PCDHGB6: variants seen among roughly 807,000 people sequenced by gnomAD.
PCDHGB6 encodes protocadherin gamma-B6.
A neutral mutation model predicts 59.1 loss-of-function variants in PCDHGB6; 51 were observed. The observed-to-expected ratio is 0.86, with a 90% CI of 0.69 to 1.09. PCDHGB6 has a LOEUF of 1.09. Among genes scored for constraint, PCDHGB6 ranks in the 50% least tolerant of loss-of-function variants. PCDHGB6 has a pLI of 0.00. For missense variants in PCDHGB6, 1,148 were observed against 1,205.1 expected, an observed-to-expected ratio of 0.95 and a Z score of 0.70; for synonymous variants, 466 against 495.1, an observed-to-expected ratio of 0.94 and a Z score of 0.78.
chr5:141,489,732 C>CA lies in PCDHGB6; in HGVS notation c.2419-5073dup, dbSNP rs770971020. On this transcript the variant is annotated intron_variant, in intron 1 of 3. Transcript: ENST00000520790. This position sits in a 1 kb window ranked among gnomAD's most constrained non-coding sequence, Gnocchi z 4.5. ...GTGCCCAGGATCCGGATGTGGGCAC[C>CA]AATACTGTGAGCTTTTACACTCTAA... 4.3e-6 allele frequency: 7 copies of CA among 1,614,008 alleles called. No individual in the cohort carries two copies. Among genetic ancestry groups the CA allele is most frequent in the Non-Finnish European group, 5.9e-6 (7 of 1,180,002 alleles).
At chr5:141,464,611 A>G (rs2099087451) in intron 1 of PCDHGB6, among the ~76,000 whole-genome samples, 3 of 152,194 alleles carry the variant, frequency 2.0e-5, no homozygotes, top group African/African-American at 7.2e-5. Context: ...TTTGCAGAGT[A>G]TATTGTCAAG....
At chr5:141,419,004 T>C in intron 1 of PCDHGB6, 1 of 1,613,886 alleles carries the variant, frequency 6.2e-7, no homozygotes, top group Non-Finnish European at 8.5e-7. Context: ...AATGGGGAAG[T>C]CAGGTGTAGC....
At chr5:141,427,495 C>A in intron 1 of PCDHGB6, 2 of 562,648 alleles carry the variant, frequency 3.6e-6, no homozygotes, top group South Asian at 1.5e-5. Flanking sequence ...AAGCTTGTAA[C>A]AGATGGGACC....
At chr5:141,460,150 T>G (rs1169568683) in intron 1 of PCDHGB6, among the ~76,000 whole-genome samples, 1 of 152,106 alleles carries the variant, frequency 6.6e-6, no homozygotes, top group East Asian at 1.9e-4. Context: ...ATGTGAGCTC[T>G]TTGTCACATA....
intron 2 of PCDHGB6, among the ~76,000 whole-genome samples, chr5:141,497,962 G>A (rs2099780751): frequency 6.6e-6 from 1 of 152,236 alleles, no homozygotes; most frequent in African/African-American, 2.4e-5. Context: ...TGGCCAGGCA[G>A]TGTTCTCGAT....
intron 1 of PCDHGB6, chr5:141,417,066 T>C (rs1373522268): frequency 6.6e-6 from 1 of 152,110 alleles, no homozygotes; most frequent in Non-Finnish European, 1.5e-5. Context: ...ACATTGTAGC[T>C]ATTGTGAGAA....
chr5:141,429,751 A>AT (rs2097241304), intron 1 of PCDHGB6, among the ~76,000 whole-genome samples: 1 of 152,110 alleles, frequency 6.6e-6, no homozygotes, highest in African/African-American at 2.4e-5. Flanking sequence ...CTTAGGGAGA[A>AT]TTTTTTCCCT....
chr5:141,420,336 T>C, intron 1 of PCDHGB6: 1 of 1,399,186 alleles, frequency 7.1e-7, no homozygotes, highest in East Asian at 2.5e-5. Flanking sequence ...TATTCCAATA[T>C]AGTGGTATTA....
At chr5:141,412,100 C>G (rs1041242156) in intron 1 of PCDHGB6, 2 of 152,180 alleles carry the variant, frequency 1.3e-5, no homozygotes, top group Non-Finnish European at 2.9e-5. Context: ...TGGGCACACA[C>G]AGTTGAAGAT....
At position 141,421,448 on chromosome 5, in the gene PCDHGB6, A is replaced by G. The variant is rs772957069; in HGVS notation, c.2418+10828A>G. On this transcript the variant is annotated intron_variant, in intron 1 of 3. Coordinates refer to ENST00000520790, the MANE Select transcript of PCDHGB6 (RefSeq NM_018926.3). ...CGCATCGTCTCCAGAGGGAAGACAC[A>G]GCTTTTCGCTGTGAATCCGCGAAGC... The G allele has an allele frequency of 7.8e-5, 126 of 1,614,014 alleles. No individual in the cohort carries two copies. The highest frequency in any genetic ancestry group is 1.0e-4 in the Non-Finnish European group (119 of 1,179,944).
At chr5:141,423,076 C>A in intron 1 of PCDHGB6, 1 of 1,614,128 alleles carries the variant, frequency 6.2e-7, no homozygotes, top group Non-Finnish European at 8.5e-7. Context: ...CGAGCCGGGA[C>A]TCTTCGCGGT....
intron 1 of PCDHGB6, among the ~76,000 whole-genome samples, chr5:141,438,633 TATACACAC>T (rs1401551511): frequency 0.055 from 1,851 of 33,458 alleles, 10 homozygotes; most frequent in African/African-American, 0.082. Flanking sequence ...TATATATATA[TATACACAC>T]ACACACACAC....
intron 1 of PCDHGB6, among the ~76,000 whole-genome samples, chr5:141,467,680 T>A (rs75237059): frequency 6.6e-6 from 1 of 152,138 alleles, no homozygotes; most frequent in Non-Finnish European, 1.5e-5. Flanking sequence ...TTATTTTTTT[T>A]AGACAGGGTC....
intron 1 of PCDHGB6, among the ~76,000 whole-genome samples, chr5:141,444,225 G>A (rs1307884592): frequency 8.0e-6 from 1 of 125,604 alleles, no homozygotes; most frequent in African/African-American, 3.1e-5. Context: ...AGGCTGGAGT[G>A]CAATGGCATG....
chr5:141,413,170 A>G, intron 1 of PCDHGB6: 1 of 1,595,602 alleles, frequency 6.3e-7, no homozygotes, highest in Non-Finnish European at 8.5e-7. Flanking sequence ...CTGTAACCAG[A>G]CTACAATGGC....
At chr5:141,510,900 G>A in intron 3 of PCDHGB6, 47 bp from the exon 4 acceptor site, 6 of 1,613,378 alleles carry the variant, frequency 3.7e-6, no homozygotes, top group Non-Finnish European at 5.1e-6. Context: ...AGTGACTGTT[G>A]AGGACCCTAA....
intron 1 of PCDHGB6, chr5:141,422,738 C>G: frequency 6.2e-7 from 1 of 1,609,538 alleles, no homozygotes; most frequent in Non-Finnish European, 8.5e-7. Flanking sequence ...CCTCTGTCCT[C>G]CTATGTCTCT....
chr5:141,497,877 G>C (rs1057284578), intron 2 of PCDHGB6, among the ~76,000 whole-genome samples: 6 of 152,148 alleles, frequency 3.9e-5, no homozygotes, highest in Admixed American at 2.6e-4. Context: ...AGTGAAATAA[G>C]CGTTAGGATC....
At position 141,431,424 on chromosome 5, in the gene PCDHGB6, G is replaced by A; in HGVS notation, c.2418+20804G>A. The A allele has an allele frequency of 1.9e-6, 3 of 1,613,676 alleles. No individual in the cohort carries two copies. The highest frequency in any genetic ancestry group is 2.5e-6 in the Non-Finnish European group (3 of 1,180,028). On this transcript the variant is annotated intron_variant, in intron 1 of 3. Coordinates refer to ENST00000520790, the MANE Select transcript of PCDHGB6 (RefSeq NM_018926.3). The surrounding 1 kb of genome is among the most constrained non-coding windows in gnomAD (Gnocchi z 4.8). ...GCCTCCGACGGGGGCGACCCGGTGC[G>A]CACAGGCACCGCGCGCATCCGCGTG... is the stretch of plus-strand genomic sequence containing the variant.
Sources: gnomAD v4.1 joint callset for allele counts (sites outside exome capture counted in the v4.1 genomes callset) on GRCh38, gnomAD v4.1.1 for gene constraint, Gnocchi (gnomAD v3.1) non-coding constraint, MANE v1.5 for transcripts, NCBI Gene and HGNC (gene_info 2026-07-23, HGNC 2026-07-21) for gene names.